The following RB1 variants were observed in gnomAD, a reference collection of about 807,000 sequenced individuals.
RB1 encodes retinoblastoma-associated protein.
Under a neutral mutation model 135.4 loss-of-function variants are expected in RB1, and 18 were observed. The ratio of observed to expected loss-of-function variants is 0.13; its 90% CI spans 0.09 to 0.20. RB1 has a LOEUF of 0.20. Among genes scored for constraint, RB1 ranks in the 10% least tolerant of loss-of-function variants. RB1 has a pLI of 1.00. For missense variants in RB1, 868 were observed against 1,110.0 expected (o/e 0.78, Z 3.10); for synonymous variants, 365 against 373.2 (o/e 0.98, Z 0.25).
rs117720905 is a variant in RB1, at chr13:48,318,338, C to T, written c.264+10932C>T. 9,874 of 1,391,828 alleles carry T rather than the reference C, an allele frequency of 7.1e-3. 51 individuals are homozygous for T. The highest frequency in any genetic ancestry group is 8.4e-3 in the Admixed American group (326 of 38,860). The allele number at this position is 1,391,828 out of a possible 1,614,324, so 86.2% of individuals were successfully genotyped here. A position where few individuals can be genotyped will look rare whatever the true frequency, so the allele number is the denominator to read the frequency against. On this transcript the variant is annotated intron_variant, in intron 2 of 26. Transcript: ENST00000267163. ...CAGTGCTGAACCTGACCTTCCTGCA[C>T]GCAGCCCTGGGTTCCCTGCACCTCT... is the stretch of plus-strand genomic sequence containing the variant.
chr13:48,465,399 A>G (rs2138346423), intron 23 of RB1, 31 bp downstream of exon 23: 1 of 1,537,614 alleles, frequency 6.5e-7, no homozygotes, highest in Non-Finnish European at 9.0e-7. Flanking sequence ...GAAGTAGTAA[A>G]GAATGAGAGG....
At chr13:48,376,073 A>G (rs4489906) in intron 12 of RB1, among the ~76,000 whole-genome samples, 1 of 152,108 alleles carries the variant, frequency 6.6e-6, no homozygotes, top group African/African-American at 2.4e-5. Context: ...TGTTTTAATT[A>G]TTAAAGTTGA....
At chr13:48,381,215 C>T (rs2138144691) in intron 16 of RB1, 32 bp from the exon 17 acceptor site, 1 of 1,568,130 alleles carries the variant, frequency 6.4e-7, no homozygotes, top group Non-Finnish European at 8.6e-7. Context: ...GTTAATATTT[C>T]ATAAATAGTT....
intron 17 of RB1, among the ~76,000 whole-genome samples, chr13:48,414,010 C>T (rs898219229): frequency 6.6e-6 from 1 of 152,068 alleles, no homozygotes; most frequent in Non-Finnish European, 1.5e-5. Context: ...TTGTCTCCAT[C>T]TAAAAGTTTC....
At chr13:48,315,479 T>G (rs1952174077) in intron 2 of RB1, among the ~76,000 whole-genome samples, 1 of 152,218 alleles carries the variant, frequency 6.6e-6, no homozygotes, top group Non-Finnish European at 1.5e-5. Flanking sequence ...AGGAATAGTT[T>G]GACTTCCTTT....
intron 21 of RB1, 31 bp from the exon 22 acceptor site, chr13:48,464,958 CTTTTTTTTT>C: frequency 4.0e-5 from 33 of 831,596 alleles, no homozygotes; most frequent in African/African-American, 2.0e-4. Context: ...GTAAATTTTA[CTTTTTTTTT>C]TTTTTTTTTT....
At chr13:48,475,675 G>C (rs922031778) in intron 24 of RB1, among the ~76,000 whole-genome samples, 1 of 152,182 alleles carries the variant, frequency 6.6e-6, no homozygotes, top group African/African-American at 2.4e-5. Context: ...GCCCACACAC[G>C]AGGGGAGGAG....
At chr13:48,395,849 A>G (rs1404644371) in intron 17 of RB1, among the ~76,000 whole-genome samples, 2 of 152,190 alleles carry the variant, frequency 1.3e-5, no homozygotes, top group Non-Finnish European at 2.9e-5. Flanking sequence ...CCAACAAAAC[A>G]GGCCAACATT....
intron 2 of RB1, among the ~76,000 whole-genome samples, chr13:48,325,711 T>C (rs192390744): frequency 4.6e-5 from 7 of 152,216 alleles, no homozygotes; most frequent in African/African-American, 1.7e-4. Context: ...ATTTTTTGGG[T>C]ATATCATAAT....
chr13:48,393,778 A>C (rs773225713), intron 17 of RB1, among the ~76,000 whole-genome samples: 2 of 151,852 alleles, frequency 1.3e-5, no homozygotes, highest in Admixed American at 6.6e-5. Context: ...TTTTGTATTA[A>C]ATTTTGGTAC....
At chr13:48,407,807 C>T (rs924973653) in intron 17 of RB1, among the ~76,000 whole-genome samples, 1 of 152,096 alleles carries the variant, frequency 6.6e-6, no homozygotes, top group Non-Finnish European at 1.5e-5. Flanking sequence ...TCATCCCTGC[C>T]TAAGCACTGT....
At chr13:48,458,715 C>T (rs180872756) in intron 19 of RB1, among the ~76,000 whole-genome samples, 3 of 152,114 alleles carry the variant, frequency 2.0e-5, no homozygotes, top group Admixed American at 2.0e-4. Flanking sequence ...TTACCTCATG[C>T]AAGTCGTTGA....
chr13:48,386,027 A>G (rs1233719277), intron 17 of RB1, among the ~76,000 whole-genome samples: 2 of 134,216 alleles, frequency 1.5e-5, no homozygotes, highest in African/African-American at 5.5e-5. Flanking sequence ...GCAACAAAGC[A>G]AGACCCCATC....
At chr13:48,422,678 CCAG>C in intron 17 of RB1, 1 of 151,768 alleles carries the variant, frequency 6.6e-6, no homozygotes, top group East Asian at 1.9e-4. Flanking sequence ...ACCTGTGGTC[CCAG>C]CTGGTTGGGA....
chr13:48,363,025 A>G, intron 8 of RB1, 68 bp downstream of exon 8: 1 of 1,569,636 alleles, frequency 6.4e-7, no homozygotes, highest in Non-Finnish European at 8.7e-7. Flanking sequence ...CCCTAACAAT[A>G]TTTACTTCTT....
intron 4 of RB1, among the ~76,000 whole-genome samples, chr13:48,345,578 A>G (rs557886918): frequency 1.3e-5 from 2 of 152,300 alleles, no homozygotes; most frequent in East Asian, 3.9e-4. Flanking sequence ...TGGATGGTGT[A>G]TGTGACCTAT....
intron 2 of RB1, chr13:48,318,446 G>A: frequency 1.4e-6 from 2 of 1,440,298 alleles, no homozygotes; most frequent in East Asian, 2.3e-5. Flanking sequence ...TCTTGTCTTC[G>A]GAGCTCTCCT....
At chr13:48,367,977 G>T (rs1178250164) in intron 10 of RB1, among the ~76,000 whole-genome samples, 2 of 152,046 alleles carry the variant, frequency 1.3e-5, no homozygotes, top group Non-Finnish European at 1.5e-5. Flanking sequence ...CAAAAGTGTA[G>T]TCTCTGTTAT....
chr13:48,320,447 C>T, intron 2 of RB1: 1 of 939,244 alleles, frequency 1.1e-6, no homozygotes, highest in Non-Finnish European at 1.7e-6. Context: ...TGGGGAGCAA[C>T]CCCTGGAGTA....
Sources: allele counts gnomAD v4.1 joint callset (sites outside exome capture counted in the v4.1 genomes callset), GRCh38; gene constraint gnomAD v4.1.1; transcripts MANE v1.5; gene names NCBI Gene and HGNC (gene_info 2026-07-23, HGNC 2026-07-21).